The following ASIP variants were observed in gnomAD, a reference collection of about 807,000 sequenced individuals.
The protein encoded by ASIP is agouti signaling protein, also known as agouti-signaling protein.
A neutral mutation model predicts 10.3 loss-of-function variants in ASIP; 11 were observed. That is an observed-to-expected ratio of 1.07 (90% CI 0.68 to 1.78). The LOEUF (loss-of-function observed/expected upper bound fraction) is 1.78. Ranked by LOEUF, ASIP falls within the 40% of genes most tolerant of loss-of-function variation. The probability of loss-of-function intolerance (pLI) is 0.00; values close to 1 mark genes in which losing one functional copy is unlikely to be tolerated. For synonymous variants in ASIP, 70 were observed against 70.8 expected (o/e 0.99, Z 0.06); for missense variants, 180 against 169.2 (o/e 1.06, Z -0.35).
At chr20:34,242,257 C>T (rs1324368212) in intron 1 of ASIP, among the ~76,000 whole-genome samples, 5 of 151,546 alleles carry the variant, frequency 3.3e-5, no homozygotes, top group East Asian at 1.9e-4. Flanking sequence ...ATTTTTGAGA[C>T]GGAGTCTCAC....
rs566744399 is a variant in ASIP, at chr20:34,260,646, C to T, written c.160+112C>T. The T allele has an allele frequency of 4.9e-6, 6 of 1,235,980 alleles. No individual in the cohort carries two copies. In the Admixed American group the frequency reaches 7.0e-5, roughly 14 times the overall value. 76.6% of individuals were successfully genotyped at this position (1,235,980 alleles called of 1,614,324 possible). On this transcript the variant is annotated intron_variant, in intron 2 of 3. Transcript: ENST00000374954. Reference sequence around the variant, plus strand: ...GCCATGGTCACGGCTCCTTCTTGCTCGTTCCAGGAAATAATCCTGGGAGAA... The same window carrying T: ...GCCATGGTCACGGCTCCTTCTTGCTTGTTCCAGGAAATAATCCTGGGAGAA...
At chr20:34,217,990 C>A (rs907621453) in intron 1 of ASIP, among the ~76,000 whole-genome samples, 3 of 152,248 alleles carry the variant, frequency 2.0e-5, no homozygotes, top group African/African-American at 7.2e-5. Context: ...AGATCTTGGA[C>A]TAGCAAATTC....
At chr20:34,255,575 T>C (rs1051695055) in intron 1 of ASIP, among the ~76,000 whole-genome samples, 2 of 152,234 alleles carry the variant, frequency 1.3e-5, no homozygotes, top group Non-Finnish European at 2.9e-5. Flanking sequence ...ATAGATGTGA[T>C]TATATATGAA....
intron 1 of ASIP, among the ~76,000 whole-genome samples, chr20:34,259,381 T>C (rs2035650231): frequency 6.6e-6 from 1 of 151,738 alleles, no homozygotes; most frequent in Non-Finnish European, 1.5e-5. Flanking sequence ...GGTGTGGTGG[T>C]GGGCACCTGT....
chr20:34,262,084 G>T (rs1206570976), intron 2 of ASIP, among the ~76,000 whole-genome samples: 1 of 151,974 alleles, frequency 6.6e-6, no homozygotes, highest in Non-Finnish European at 1.5e-5. Context: ...CTGTACTCCA[G>T]CCTGGGCAAC....
At chr20:34,224,240 AG>A (rs1353518992) in intron 1 of ASIP, among the ~76,000 whole-genome samples, 1 of 151,644 alleles carries the variant, frequency 6.6e-6, no homozygotes, top group Non-Finnish European at 1.5e-5. Flanking sequence ...AAAAAAAAAA[AG>A]TTACTCAGGA....
upstream of ASIP, among the ~76,000 whole-genome samples, chr20:34,240,613 C>T (rs1192904824): frequency 2.6e-5 from 4 of 152,180 alleles, no homozygotes; most frequent in African/African-American, 9.7e-5. Context: ...CAGCAATCTG[C>T]CCATCAAGAG....
At position 34,196,180 on chromosome 20, in the gene ASIP, T is replaced by C. The variant is rs2034855357; in HGVS notation, c.-11+1420T>C. On this transcript the variant is annotated intron_variant, in intron 1 of 3. Coordinates refer to the ASIP transcript ENST00000568305. ...CATTGAAAAGGGAGATTTCTTTTTT[T>C]TTTTTTTTTTTTTTTTTGAGACGGA... Among the ~76,000 whole-genome samples the C allele has an allele frequency of 5.7e-5, 8 of 140,880 alleles. No individual in the cohort carries two copies. In the South Asian group the frequency reaches 1.7e-3, roughly 29 times the overall value. 92.4% of individuals were successfully genotyped at this position (140,880 alleles called of 152,430 possible).
intron 1 of ASIP, among the ~76,000 whole-genome samples, chr20:34,223,071 GTC>G (rs1318567518): frequency 6.6e-6 from 1 of 151,950 alleles, no homozygotes; most frequent in Non-Finnish European, 1.5e-5. Flanking sequence ...AGTGAGGAGT[GTC>G]TCTGCCTGGC....
In ASIP at chr20:34,216,953, G is replaced by A. The variant is rs563576881; in HGVS notation, c.-11+22193G>A. Reference sequence around the variant, plus strand: ...GCCTGTGGAGCTCTGGAGACGATTTGAGGTTCTATATGATGTTATCTCTCT... The same window carrying A: ...GCCTGTGGAGCTCTGGAGACGATTTAAGGTTCTATATGATGTTATCTCTCT... On this transcript the variant is annotated intron_variant, in intron 1 of 3. Transcript: ENST00000568305. Among the ~76,000 whole-genome samples, 5 of 152,252 alleles carry A rather than the reference G, an allele frequency of 3.3e-5. No individual in the cohort carries two copies. The South Asian group carries it at 8.3e-4, about 25-fold the overall frequency.
chr20:34,194,618 T>G (rs1205945779), exon 1 of ASIP: 1 of 151,484 alleles, frequency 6.6e-6, no homozygotes, highest in Non-Finnish European at 1.5e-5. Context: ...CCACCAGAGA[T>G]CCCCAGATTC....
chr20:34,210,208 G>A (rs905545644), intron 1 of ASIP, among the ~76,000 whole-genome samples: 5 of 152,244 alleles, frequency 3.3e-5, no homozygotes, highest in Non-Finnish European at 2.9e-5. Context: ...GGGCTGAAAC[G>A]TCCCTTGCTC....
intron 1 of ASIP, 78 bp downstream of exon 1, chr20:34,241,567 G>A (rs959408370): frequency 1.0e-6 from 1 of 976,716 alleles, no homozygotes; most frequent in Non-Finnish European, 1.2e-6. Context: ...GGACTTAACA[G>A]TTATCCCTCC....
intron 1 of ASIP, among the ~76,000 whole-genome samples, chr20:34,247,196 T>C (rs1327799484): frequency 1.3e-5 from 2 of 152,040 alleles, no homozygotes; most frequent in Non-Finnish European, 2.9e-5. Context: ...TAAATAGCTA[T>C]TTTTAGAAAA....
chr20:34,196,031 T>C (rs367846684), intron 1 of ASIP, among the ~76,000 whole-genome samples: 1 of 152,212 alleles, frequency 6.6e-6, no homozygotes, highest in Admixed American at 6.5e-5. Context: ...TATGAGTGTT[T>C]CTCTTCCAAG....
chr20:34,215,327 G>C, intron 1 of ASIP: 1 of 1,571,272 alleles, frequency 6.4e-7, no homozygotes, highest in Non-Finnish European at 8.8e-7. Flanking sequence ...TGTGATATTT[G>C]GTACCATGAT....
At chr20:34,267,011 G>GA (rs1180005723) in intron 3 of ASIP, among the ~76,000 whole-genome samples, 1 of 152,184 alleles carries the variant, frequency 6.6e-6, no homozygotes, top group Non-Finnish European at 1.5e-5. Context: ...GTGTGATCTT[G>GA]AAAGTCCCTG....
chr20:34,210,154 G>T (rs940215082), intron 1 of ASIP, among the ~76,000 whole-genome samples: 1 of 152,188 alleles, frequency 6.6e-6, no homozygotes, highest in Non-Finnish European at 1.5e-5. Context: ...ACAAGAACTC[G>T]GGACCTACCA....
At chr20:34,246,402 GCATATAT>G (rs371976265) in intron 1 of ASIP, 69 of 1,375,456 alleles carry the variant, frequency 5.0e-5, no homozygotes, top group Non-Finnish European at 6.8e-5. Context: ...GCAACATCAG[GCATATAT>G]TCACAGTACT....
Sources: gnomAD v4.1 joint callset for allele counts (sites outside exome capture counted in the v4.1 genomes callset) on GRCh38, gnomAD v4.1.1 for gene constraint, MANE v1.5 for transcripts, NCBI Gene and HGNC (gene_info 2026-07-23, HGNC 2026-07-21) for gene names.